FBXL13: variants seen among roughly 807,000 people sequenced by gnomAD.
FBXL13 encodes F-box and leucine-rich repeat protein 13.
FBXL13 carries 67 observed loss-of-function variants against 83.6 expected under a neutral mutation model. The ratio of observed to expected loss-of-function variants is 0.80; its 90% CI spans 0.66 to 0.98. The LOEUF (loss-of-function observed/expected upper bound fraction) is 0.98. Among genes scored for constraint, FBXL13 ranks in the 50% least tolerant of loss-of-function variants. The probability of loss-of-function intolerance (pLI) is 0.00; values close to 1 mark genes in which losing one functional copy is unlikely to be tolerated. For synonymous variants in FBXL13, 272 were observed against 299.5 expected (o/e 0.91, Z 0.95); for missense variants, 822 against 866.5 (o/e 0.95, Z 0.64).
intron 6 of FBXL13, among the ~76,000 whole-genome samples, chr7:102,968,591 T>C (rs1047561368): frequency 2.0e-5 from 3 of 152,218 alleles, no homozygotes; most frequent in Non-Finnish European, 1.5e-5. Flanking sequence ...TTTTGGCTTC[T>C]ACTTCTGGAA....
intron 16 of FBXL13, among the ~76,000 whole-genome samples, chr7:102,865,031 C>G (rs1009708044): frequency 6.6e-6 from 1 of 152,202 alleles, no homozygotes; most frequent in African/African-American, 2.4e-5. Context: ...TGCCATTAGA[C>G]TGTACCTTGA....
chr7:102,889,483 A>G (rs1311076070), intron 11 of FBXL13, among the ~76,000 whole-genome samples: 2 of 152,152 alleles, frequency 1.3e-5, no homozygotes, highest in East Asian at 1.9e-4. Context: ...AAATAGGTAT[A>G]CATGTGCCAT....
intron 6 of FBXL13, chr7:102,975,856 C>G (rs558521613): frequency 8.5e-5 from 59 of 695,194 alleles, no homozygotes; most frequent in Non-Finnish European, 1.4e-4. Flanking sequence ...AAGGCAAAAA[C>G]AGGCAGGGTT....
chr7:103,035,528 T>A (rs1167835237), intron 2 of FBXL13, among the ~76,000 whole-genome samples: 1 of 152,208 alleles, frequency 6.6e-6, no homozygotes, highest in Non-Finnish European at 1.5e-5. Context: ...AATTTATGGC[T>A]CTTTAATATA....
chr7:102,883,187 T>C (rs1810345356), intron 14 of FBXL13, 118 bp downstream of exon 15: 1 of 1,019,960 alleles, frequency 9.8e-7, no homozygotes, highest in South Asian at 2.0e-5. Context: ...ACCTCTACTT[T>C]AACACATGAA....
intron 8 of FBXL13, among the ~76,000 whole-genome samples, chr7:102,948,455 G>T (rs980132920): frequency 1.3e-5 from 2 of 151,292 alleles, no homozygotes; most frequent in Non-Finnish European, 2.9e-5. Context: ...ACAGAGTCTC[G>T]CTCTGTCGCC....
intron 6 of FBXL13, among the ~76,000 whole-genome samples, chr7:102,998,073 G>A (rs1405798014): frequency 6.6e-6 from 1 of 152,058 alleles, no homozygotes; most frequent in Admixed American, 6.6e-5. Context: ...TCATAAGCAT[G>A]TTATTTTTTG....
intron 14 of FBXL13, among the ~76,000 whole-genome samples, chr7:102,880,182 T>C (rs967430520): frequency 2.0e-5 from 3 of 152,242 alleles, no homozygotes; most frequent in Admixed American, 6.5e-5. Flanking sequence ...GAACTTGCTT[T>C]TAAATTTTGT....
chr7:102,877,689 T>C (rs1374690465), intron 15 of FBXL13, 96 bp from the exon 17 acceptor site: 40 of 1,287,164 alleles, frequency 3.1e-5, no homozygotes, highest in Non-Finnish European at 4.2e-5. Context: ...ACAAATGGTA[T>C]TGAAGCAAAG....
At chr7:102,984,310 C>A (rs373565300) in intron 6 of FBXL13, among the ~76,000 whole-genome samples, 13 of 152,198 alleles carry the variant, frequency 8.5e-5, no homozygotes, top group African/African-American at 3.1e-4. Flanking sequence ...TCTGGGTTCT[C>A]CAGAGAAAAA....
At chr7:103,072,410 G>T (rs1451386849) in intron 1 of FBXL13, among the ~76,000 whole-genome samples, 1 of 152,166 alleles carries the variant, frequency 6.6e-6, no homozygotes, top group Admixed American at 6.5e-5. Context: ...CTTAGACAAT[G>T]GAGAATGCAT....
At chr7:102,979,477 C>T (rs567538353) in intron 6 of FBXL13, among the ~76,000 whole-genome samples, 5 of 152,234 alleles carry the variant, frequency 3.3e-5, no homozygotes, top group South Asian at 2.1e-4. Context: ...TCTTTTGTCA[C>T]GTAAGGTAAC....
intron 10 of FBXL13, among the ~76,000 whole-genome samples, chr7:102,914,942 C>A (rs1815535044): frequency 6.6e-6 from 1 of 152,100 alleles, no homozygotes; most frequent in African/African-American, 2.4e-5. Context: ...TCATTTCTAG[C>A]AATCCTTTAG....
At chr7:102,964,102 C>T (rs1373270534) in intron 7 of FBXL13, among the ~76,000 whole-genome samples, 4 of 151,842 alleles carry the variant, frequency 2.6e-5, no homozygotes, top group Admixed American at 1.3e-4. Flanking sequence ...CTTGAGGCTG[C>T]GAGTTCAAGA....
At chr7:102,988,035 A>C (rs566952476) in intron 6 of FBXL13, 22 of 152,374 alleles carry the variant, frequency 1.4e-4, no homozygotes, top group African/African-American at 5.3e-4. Context: ...TCACCCAGGG[A>C]GTGAAGATGG....
intron 8 of FBXL13, among the ~76,000 whole-genome samples, chr7:102,941,229 C>T (rs779295790): frequency 2.0e-5 from 3 of 152,170 alleles, no homozygotes; most frequent in African/African-American, 7.2e-5. Context: ...ACTACAGACA[C>T]CCTTCTCCCA....
At chr7:102,976,503 G>A (rs920992962) in intron 6 of FBXL13, among the ~76,000 whole-genome samples, 4 of 152,016 alleles carry the variant, frequency 2.6e-5, no homozygotes, top group Admixed American at 1.3e-4. Flanking sequence ...AATACCCAAC[G>A]CATCAACCCA....
intron 6 of FBXL13, among the ~76,000 whole-genome samples, chr7:102,994,669 C>G (rs998544400): frequency 2.0e-5 from 3 of 152,126 alleles, no homozygotes; most frequent in Non-Finnish European, 4.4e-5. Flanking sequence ...AAATTCCCAC[C>G]CAGCTTTCCA....
At chr7:102,910,706 G>T (rs1047771936) in intron 11 of FBXL13, among the ~76,000 whole-genome samples, 2 of 152,090 alleles carry the variant, frequency 1.3e-5, no homozygotes, top group Non-Finnish European at 2.9e-5. Context: ...ACCCATAAGG[G>T]TGACAGCCAA....
Sources: allele counts gnomAD v4.1 joint callset (sites outside exome capture counted in the v4.1 genomes callset), GRCh38; gene constraint gnomAD v4.1.1; transcripts MANE v1.5; gene names NCBI Gene and HGNC (gene_info 2026-07-23, HGNC 2026-07-21).